The following PTCHD4 variants were observed in gnomAD, a reference collection of about 807,000 sequenced individuals.
PTCHD4 encodes patched domain containing 4, also known as patched domain-containing protein 4.
PTCHD4 carries 33 observed loss-of-function variants against 58.1 expected under a neutral mutation model. The observed-to-expected ratio is 0.57, with a 90% confidence interval of 0.43 to 0.76. The LOEUF is 0.76. PTCHD4 is among the 30% of genes least tolerant of loss of function. PTCHD4 has a pLI of 0.00. For synonymous variants in PTCHD4, 478 were observed against 409.6 expected, an observed-to-expected ratio of 1.17 and a Z score of -2.02; for missense variants, 1,058 against 1,027.1, an observed-to-expected ratio of 1.03 and a Z score of -0.41.
intron 1 of PTCHD4, among the ~76,000 whole-genome samples, chr6:48,079,119 A>G (rs1191040278): frequency 7.2e-6 from 1 of 138,520 alleles, no homozygotes; most frequent in African/African-American, 2.8e-5. Context: ...TTCCATCACA[A>G]AAAAAAAAAA....
At chr6:48,065,597 G>C (rs1437102226) in intron 3 of PTCHD4, among the ~76,000 whole-genome samples, 1 of 152,144 alleles carries the variant, frequency 6.6e-6, no homozygotes, top group East Asian at 1.9e-4. Flanking sequence ...AGGGAGTTCT[G>C]ATCCTGGGAG....
At chr6:48,063,495 G>T (rs1313515653) in intron 3 of PTCHD4, among the ~76,000 whole-genome samples, 1 of 152,160 alleles carries the variant, frequency 6.6e-6, no homozygotes. Flanking sequence ...ATCTAATATT[G>T]TATTGTGGTT....
rs1019519294 is a variant in PTCHD4 at position 47,867,379 on chromosome 6, A to G, written c.*10924T>C. Among the ~76,000 whole-genome samples the G allele has an allele frequency of 1.3e-5, 2 of 151,754 alleles. No homozygotes were observed. Among genetic ancestry groups the G allele is most frequent in the Non-Finnish European group, 2.9e-5 (2 of 67,838 alleles). ...TTATGTGATATTGCTCAGTTTTGGG[A>G]TCCTTGATTTTAACAGTTAAAATTC... On this transcript the variant is annotated 3_prime_UTR_variant, in exon 5 of 5. Coordinates refer to ENST00000339488, the MANE Select transcript of PTCHD4 (RefSeq NM_001384253.1).
intron 3 of PTCHD4, among the ~76,000 whole-genome samples, chr6:48,055,331 G>C (rs756274189): frequency 5.9e-5 from 9 of 152,184 alleles, no homozygotes; most frequent in Non-Finnish European, 1.2e-4. Context: ...TCCAGTCAAT[G>C]AATTCACAGG....
chr6:48,079,016 G>C (rs887620331), intron 1 of PTCHD4, among the ~76,000 whole-genome samples: 1 of 151,778 alleles, frequency 6.6e-6, no homozygotes, highest in Non-Finnish European at 1.5e-5. Flanking sequence ...CTACTGGGAG[G>C]CTGAGGCAGG....
At chr6:48,064,813 C>A (rs1562034975) in intron 3 of PTCHD4, among the ~76,000 whole-genome samples, 1 of 151,836 alleles carries the variant, frequency 6.6e-6, no homozygotes, top group Non-Finnish European at 1.5e-5. Context: ...GATTTGTGTG[C>A]CTAGTGAGAG....
At chr6:48,019,807 G>A (rs1187676494) in intron 3 of PTCHD4, among the ~76,000 whole-genome samples, 1 of 152,112 alleles carries the variant, frequency 6.6e-6, no homozygotes, top group Non-Finnish European at 1.5e-5. Context: ...GCACTGAGAA[G>A]GAATCGCCTA....
intron 3 of PTCHD4, among the ~76,000 whole-genome samples, chr6:48,048,337 C>T (rs559250343): frequency 2.6e-5 from 4 of 152,008 alleles, no homozygotes; most frequent in African/African-American, 9.6e-5. Context: ...CAGGTGGTTC[C>T]CCATTTTCCA....
chr6:48,053,705 G>T (rs764672517), intron 3 of PTCHD4, among the ~76,000 whole-genome samples: 3 of 152,032 alleles, frequency 2.0e-5, no homozygotes, highest in African/African-American at 4.8e-5. Context: ...TTTTCCCAAT[G>T]ATAAGCAATC....
chr6:48,090,596 A>G (rs868696908), intron 1 of PTCHD4, among the ~76,000 whole-genome samples: 19 of 152,308 alleles, frequency 1.2e-4, no homozygotes, highest in African/African-American at 3.8e-4. Context: ...AAAAAATCTC[A>G]GAAGGGGTAA....
chr6:48,068,117 G>C lies in PTCHD4; in HGVS notation c.417+113C>G. On this transcript the variant is annotated intron_variant, in intron 3 of 4. Transcript: ENST00000339488. This position sits in a 1 kb window ranked among gnomAD's most constrained non-coding sequence, Gnocchi z 4.2. ...GGCTGTTGTCTTATTGGAGACGGCAGCCTGCCTGAGATCCTCTAGCACTGA... is the reference window on the plus strand; with the variant it reads ...GGCTGTTGTCTTATTGGAGACGGCACCCTGCCTGAGATCCTCTAGCACTGA... 9.2e-6 allele frequency: 11 copies of C among 1,192,388 alleles called. No individual in the cohort carries two copies. Among genetic ancestry groups the C allele is most frequent in the Non-Finnish European group, 1.3e-5 (11 of 851,970 alleles). 73.9% of individuals were successfully genotyped at this position (1,192,388 alleles called of 1,614,324 possible). A position where few individuals can be genotyped will look rare whatever the true frequency, so the allele number is the denominator to read the frequency against.
chr6:48,051,025 T>G (rs1014599868), intron 3 of PTCHD4, among the ~76,000 whole-genome samples: 10 of 151,990 alleles, frequency 6.6e-5, no homozygotes, highest in African/African-American at 2.4e-4. Flanking sequence ...CACAGAGACT[T>G]GGAGTCCTAC....
At chr6:48,028,026 C>T (rs2753198) in intron 3 of PTCHD4, among the ~76,000 whole-genome samples, 87,892 of 151,868 alleles carry the variant, frequency 0.58, 25,581 homozygotes, top group East Asian at 0.72. Flanking sequence ...ACTATAACCC[C>T]GGCCTCCTAG....
rs1402198870 is a variant in PTCHD4 at position 48,069,645 on chromosome 6, G to C, written c.-688C>G. The stretch of plus-strand genomic sequence containing the variant: ...TCTGATGGCTGGAGAGGAGGCATTT[G>C]CCAATAGCAGTAGCCTGTGTGCGTG... On this transcript the variant is annotated 5_prime_UTR_variant, in exon 2 of 5. Transcript: ENST00000339488. Among the ~76,000 whole-genome samples the C allele has an allele frequency of 6.6e-6, 1 of 151,392 alleles. No individual in the cohort carries two copies. Among genetic ancestry groups the C allele is most frequent in the Non-Finnish European group, 1.5e-5 (1 of 67,906 alleles).
chr6:48,092,690 C>A (rs1227271634), intron 1 of PTCHD4, among the ~76,000 whole-genome samples: 1 of 152,092 alleles, frequency 6.6e-6, no homozygotes, highest in Non-Finnish European at 1.5e-5. Context: ...TGTGATAGGG[C>A]AGAAAGGGTC....
chr6:48,064,729 G>T (rs774319756), intron 3 of PTCHD4, among the ~76,000 whole-genome samples: 1 of 152,068 alleles, frequency 6.6e-6, no homozygotes, highest in Non-Finnish European at 1.5e-5. Flanking sequence ...ACTATTTGTT[G>T]TGAATACTAT....
At chr6:47,965,031 C>A (rs1359113837) in intron 4 of PTCHD4, among the ~76,000 whole-genome samples, 1 of 152,086 alleles carries the variant, frequency 6.6e-6, no homozygotes, top group Non-Finnish European at 1.5e-5. Context: ...AGGATTCCTG[C>A]CAGTTGTTAT....
At chr6:48,037,182 TGAGA>T (rs1240558114) in intron 3 of PTCHD4, among the ~76,000 whole-genome samples, 5 of 152,014 alleles carry the variant, frequency 3.3e-5, no homozygotes, top group Admixed American at 6.6e-5. Context: ...TAAGATATTT[TGAGA>T]GAGAGAGAGC....
chr6:48,052,908 G>T (rs1177457898), intron 3 of PTCHD4, among the ~76,000 whole-genome samples: 4 of 152,060 alleles, frequency 2.6e-5, no homozygotes, highest in African/African-American at 9.7e-5. Context: ...GGGAGTAAAT[G>T]ATTTGTGAAC....
Sources: allele counts gnomAD v4.1 joint callset (sites outside exome capture counted in the v4.1 genomes callset), GRCh38; gene constraint gnomAD v4.1.1; non-coding constraint Gnocchi (gnomAD v3.1); transcripts MANE v1.5; gene names NCBI Gene and HGNC (gene_info 2026-07-23, HGNC 2026-07-21).